Variants in NCBP1 observed in about 807,000 individuals in gnomAD.
NCBP1 encodes the protein nuclear cap-binding protein subunit 1.
Under a neutral mutation model 111.7 loss-of-function variants are expected in NCBP1, and 16 were observed. The ratio of observed to expected loss-of-function variants is 0.14; its 90% CI spans 0.10 to 0.22. The LOEUF (loss-of-function observed/expected upper bound fraction) is 0.22, where lower values mean the gene tolerates loss of function less well. Ranked by LOEUF, NCBP1 falls within the 10% of genes least tolerant of loss-of-function variation. The probability of loss-of-function intolerance (pLI) is 1.00; values close to 1 mark genes in which losing one functional copy is unlikely to be tolerated. For synonymous variants in NCBP1, 304 were observed against 314.3 expected, an observed-to-expected ratio of 0.97 and a Z score of 0.35; for missense variants, 607 against 957.5, an observed-to-expected ratio of 0.63 and a Z score of 4.83.
At chr9:97,659,996 C>A (rs1157909279) in intron 15 of NCBP1, among the ~76,000 whole-genome samples, 1 of 152,198 alleles carries the variant, frequency 6.6e-6, no homozygotes, top group Admixed American at 6.5e-5. Context: ...TTCCTTTTCT[C>A]CTTCTAGATT....
rs1828198238 is a variant in NCBP1, at chr9:97,671,679, G to A, written c.*480G>A. The A allele has an allele frequency of 6.6e-6, 1 of 152,238 alleles. No individual in the cohort carries two copies. Among genetic ancestry groups the A allele is most frequent in the Non-Finnish European group, 1.5e-5 (1 of 68,108 alleles). 9.4% of individuals were successfully genotyped at this position (152,238 alleles called of 1,614,324 possible). A position where few individuals can be genotyped will look rare whatever the true frequency, so the allele number is the denominator to read the frequency against. ...CATCTCACTCTACTCTAAAACTGGT[G>A]GTTTCTTACTGAAGGTGTTCTCCAT... On this transcript the variant is annotated 3_prime_UTR_variant, in exon 23 of 23. Transcript: ENST00000375147.
Position 97,640,892 on chromosome 9 carries a change from A to C in NCBP1, c.123+10A>C, listed in dbSNP as rs750838690. 2.6e-6 allele frequency: 4 copies of C among 1,558,682 alleles called. No homozygotes were observed. The South Asian group carries it at 4.6e-5, about 18-fold the overall frequency. On this transcript the variant is annotated intron_variant, in intron 2 of 22. Coordinates refer to ENST00000375147, the MANE Select transcript of NCBP1 (RefSeq NM_002486.5). The stretch of plus-strand genomic sequence containing the variant: ...TAAAGTAGGAGAAAAGGTATGTCAC[A>C]CAATAGGCACAGGCTGTGATGGGTT...
Position 97,648,193 on chromosome 9 carries a change from C to T in NCBP1, c.867C>T (p.Phe289=). 1.2e-6 allele frequency: 2 copies of T among 1,614,126 alleles called. No individual in the cohort carries two copies. The highest frequency in any genetic ancestry group is 1.7e-6 in the Non-Finnish European group (2 of 1,180,012). Residue 289 remains phenylalanine, a synonymous_variant, in exon 8 of 23, where the codon TTC becomes TTT. Coordinates refer to ENST00000375147, the MANE Select transcript of NCBP1 (RefSeq NM_002486.5). ...TGTACCCAATGCCAAGGGTCATCTT[C>T]AGAATGTTTGATTACACAGATGATC... is the stretch of plus-strand genomic sequence containing the variant. ...DSVYPMPRVI[F]RMFDYTDDPE...
intron 10 of NCBP1, 74 bp from the exon 11 acceptor site, chr9:97,653,724 G>A: frequency 2.7e-6 from 3 of 1,097,504 alleles, no homozygotes; most frequent in Admixed American, 2.0e-5. Flanking sequence ...CTCAGATTTA[G>A]AATGTTAAGG....
intron 18 of NCBP1, among the ~76,000 whole-genome samples, chr9:97,663,390 A>G (rs897396968): frequency 6.6e-6 from 1 of 152,224 alleles, no homozygotes; most frequent in African/African-American, 2.4e-5. Context: ...AAATTTCATA[A>G]AACAGTGAGT....
chr9:97,657,885 G>GCTCT (rs3052096), intron 14 of NCBP1, among the ~76,000 whole-genome samples: 1,842 of 113,896 alleles, frequency 0.016, 42 homozygotes, highest in African/African-American at 0.027. Flanking sequence ...GCCCCGGTAA[G>GCTCT]CTCTCTCTCT....
intron 14 of NCBP1, among the ~76,000 whole-genome samples, chr9:97,657,906 C>CTCTCTCTA (rs375160579): frequency 7.8e-5 from 10 of 127,504 alleles, no homozygotes; most frequent in African/African-American, 2.8e-4. Context: ...CTCTCTCTCT[C>CTCTCTCTA]TATATATATA....
intron 20 of NCBP1, among the ~76,000 whole-genome samples, chr9:97,668,307 A>AT (rs1828070459): frequency 6.6e-6 from 1 of 152,216 alleles, no homozygotes; most frequent in African/African-American, 2.4e-5. Context: ...ATTAAATTCT[A>AT]TAAACTCTTC....
intron 18 of NCBP1, among the ~76,000 whole-genome samples, chr9:97,664,090 AAT>A (rs1382448510): frequency 6.6e-6 from 1 of 151,890 alleles, no homozygotes; most frequent in Non-Finnish European, 1.5e-5. Flanking sequence ...GAGGCAGGAG[AAT>A]TGCTTGAACC....
intron 15 of NCBP1, 82 bp downstream of exon 15, chr9:97,658,825 T>C (rs1314101356): frequency 3.6e-6 from 4 of 1,123,630 alleles, no homozygotes; most frequent in East Asian, 2.4e-5. Flanking sequence ...AGTGGAGAAA[T>C]TGAACTTTTT....
At chr9:97,653,116 A>ATTTT in intron 10 of NCBP1, among the ~76,000 whole-genome samples, 5 of 138,958 alleles carry the variant, frequency 3.6e-5, no homozygotes, top group African/African-American at 1.2e-4. Context: ...GTCTAAAAGA[A>ATTTT]TTCTTTTTTT....
intron 20 of NCBP1, among the ~76,000 whole-genome samples, 152 bp from the exon 21 acceptor site, chr9:97,668,692 GTA>G (rs752639071): frequency 6.7e-6 from 1 of 150,208 alleles, no homozygotes. Flanking sequence ...GGACTTTGAG[GTA>G]TATATGTGTG....
At chr9:97,666,266 T>C (rs975199402) in intron 19 of NCBP1, among the ~76,000 whole-genome samples, 1 of 152,226 alleles carries the variant, frequency 6.6e-6, no homozygotes, top group African/African-American at 2.4e-5. Flanking sequence ...TTAGAGCCCA[T>C]CAGTTGATAC....
intron 15 of NCBP1, among the ~76,000 whole-genome samples, chr9:97,659,477 T>A (rs536335543): frequency 4.6e-5 from 7 of 152,196 alleles, no homozygotes; most frequent in Non-Finnish European, 8.8e-5. Flanking sequence ...AAATGAACTG[T>A]GTCGGTCCTG....
rs148083905 is a variant in NCBP1 at position 97,642,661 on chromosome 9, A to G, written c.225-543A>G. Among the ~76,000 whole-genome samples, 158 of 152,270 alleles carry G rather than the reference A, an allele frequency of 1.0e-3. 1 individual carries two copies. The highest frequency in any genetic ancestry group is 1.7e-3 in the African/African-American group (69 of 41,590). On this transcript the variant is annotated intron_variant, in intron 3 of 22. Transcript: ENST00000375147. Reference sequence around the variant, plus strand: ...TCAGAGTATGTTTTTAAAAAATTCAATAATTAAACTGGTAGGAACTTAGAT... The same window carrying G: ...TCAGAGTATGTTTTTAAAAAATTCAGTAATTAAACTGGTAGGAACTTAGAT...
chr9:97,657,208 C>T (rs773450556), intron 14 of NCBP1, among the ~76,000 whole-genome samples: 12 of 152,128 alleles, frequency 7.9e-5, no homozygotes, highest in African/African-American at 2.2e-4. Flanking sequence ...CCTCGTGATC[C>T]GCCCGCCTCG....
At position 97,671,123 on chromosome 9, in the gene NCBP1, A is replaced by G; in HGVS notation, c.2297A>G (p.Glu766Gly). 6.2e-7 allele frequency: 1 copy of G among 1,613,600 alleles called. No individual in the cohort carries two copies. Among genetic ancestry groups the G allele is most frequent in the African/African-American group, 1.3e-5 (1 of 75,042 alleles). The change falls in exon 23 of 23, where the codon GAG becomes GGG. Residue 766 changes from glutamate to glycine, a missense_variant. Coordinates refer to ENST00000375147, the MANE Select transcript of NCBP1 (RefSeq NM_002486.5). ...QIIQQYMVTL[E>G]NLLFTAELDP... ...ATCCAGCAGTACATGGTGACCCTGG[A>G]GAACCTTCTCTTCACTGCTGAATTA... is the stretch of plus-strand genomic sequence containing the variant.
chr9:97,662,345 A>G (rs188028563), intron 17 of NCBP1, among the ~76,000 whole-genome samples: 102 of 152,334 alleles, frequency 6.7e-4, no homozygotes, highest in African/African-American at 2.4e-3. Flanking sequence ...GCATATGTAC[A>G]TGGTAAGTGC....
intron 22 of NCBP1, 51 bp from the exon 23 acceptor site, chr9:97,671,035 T>C (rs1564032283): frequency 8.2e-7 from 1 of 1,217,700 alleles, no homozygotes. Flanking sequence ...TTCCACAAGA[T>C]TGCTTATATG....
Sources: allele counts gnomAD v4.1 joint callset (sites outside exome capture counted in the v4.1 genomes callset), GRCh38; gene constraint gnomAD v4.1.1; transcripts MANE v1.5; gene names NCBI Gene and HGNC (gene_info 2026-07-23, HGNC 2026-07-21).